Variants in GRIK2 observed in about 807,000 individuals in gnomAD.
The protein encoded by GRIK2 is glutamate receptor ionotropic, kainate 2.
In GRIK2, 32 loss-of-function variants were observed where a neutral mutation model predicts 100.3. The observed-to-expected ratio is 0.32, with a 90% CI of 0.24 to 0.43. The LOEUF (loss-of-function observed/expected upper bound fraction) is 0.43, where lower values mean the gene tolerates loss of function less well. Among genes scored for constraint, GRIK2 ranks in the 20% least tolerant of loss-of-function variants. The pLI is 1.00. For missense variants in GRIK2, 843 were observed against 1,114.9 expected (o/e 0.76, Z 3.47); for synonymous variants, 417 against 389.4 (o/e 1.07, Z -0.83).
intron 4 of GRIK2, among the ~76,000 whole-genome samples, chr6:101,649,434 T>C (rs568571898): frequency 1.2e-4 from 19 of 152,198 alleles, no homozygotes; most frequent in African/African-American, 4.3e-4. Context: ...GCTTTTCCTC[T>C]GGATCACGTG....
intron 2 of GRIK2, among the ~76,000 whole-genome samples, chr6:101,587,776 T>C (rs1349603986): frequency 6.6e-6 from 1 of 151,964 alleles, no homozygotes; most frequent in East Asian, 1.9e-4. Flanking sequence ...AATTGCTAAA[T>C]TGGTGATGAA....
At chr6:101,454,683 A>G (rs1770899288) in intron 2 of GRIK2, among the ~76,000 whole-genome samples, 1 of 151,928 alleles carries the variant, frequency 6.6e-6, no homozygotes, top group Non-Finnish European at 1.5e-5. Flanking sequence ...TCTGCTCTAT[A>G]TGTTGTAGTG....
At position 101,598,469 on chromosome 6, in the gene GRIK2, G is replaced by GT. The variant is rs574510122; in HGVS notation, c.116-23473dup. ...CTTTTCCCCAGTTACATTTTTATTT[G>GT]TTTTTTTGCAAGCTTGTAATGAATT... On this transcript the variant is annotated intron_variant, in intron 2 of 16. Transcript: ENST00000369134. Among the ~76,000 whole-genome samples the GT allele has an allele frequency of 1.8e-3, 275 of 150,200 alleles. 2 individuals are homozygous for GT. Among genetic ancestry groups the GT allele is most frequent in the African/African-American group, 6.4e-3 (262 of 40,962 alleles).
At chr6:101,708,158 G>A (rs1773465880) in intron 7 of GRIK2, among the ~76,000 whole-genome samples, 1 of 151,694 alleles carries the variant, frequency 6.6e-6, no homozygotes, top group Admixed American at 6.6e-5. Flanking sequence ...TTTCTTAGTA[G>A]ATGGAATCTT....
chr6:101,843,902 C>T (rs1233952881), intron 10 of GRIK2, among the ~76,000 whole-genome samples: 2 of 152,098 alleles, frequency 1.3e-5, no homozygotes, highest in Non-Finnish European at 2.9e-5. Context: ...ATATACTTAC[C>T]TATTTACTTT....
intron 2 of GRIK2, among the ~76,000 whole-genome samples, chr6:101,583,518 C>G (rs771294036): frequency 4.6e-5 from 7 of 152,062 alleles, no homozygotes; most frequent in Non-Finnish European, 7.4e-5. Context: ...ATTCAAAGAG[C>G]CTTGTACAAT....
intron 4 of GRIK2, among the ~76,000 whole-genome samples, chr6:101,651,413 G>T (rs534150934): frequency 6.6e-6 from 1 of 152,218 alleles, no homozygotes; most frequent in Admixed American, 6.6e-5. Context: ...ATACAGCCAA[G>T]AACTAATCAG....
intron 2 of GRIK2, among the ~76,000 whole-genome samples, chr6:101,564,152 T>C (rs1777147723): frequency 6.6e-6 from 1 of 152,220 alleles, no homozygotes; most frequent in Non-Finnish European, 1.5e-5. Context: ...AAGCTGGTTT[T>C]AAGAGGTTTC....
intron 7 of GRIK2, among the ~76,000 whole-genome samples, chr6:101,783,713 G>A (rs1466752674): frequency 2.6e-5 from 4 of 152,160 alleles, no homozygotes; most frequent in African/African-American, 9.7e-5. Context: ...AGTACAGGTT[G>A]AGGTGGTCTC....
intron 7 of GRIK2, among the ~76,000 whole-genome samples, chr6:101,779,692 A>G (rs924823423): frequency 5.9e-5 from 9 of 152,072 alleles, no homozygotes; most frequent in African/African-American, 2.2e-4. Context: ...GCTGGTACCT[A>G]CCTAATTTGA....
chr6:101,795,553 A>G (rs1210894275), intron 7 of GRIK2, among the ~76,000 whole-genome samples: 1 of 152,184 alleles, frequency 6.6e-6, no homozygotes, highest in Non-Finnish European at 1.5e-5. Flanking sequence ...AGCAGTGGGC[A>G]TGTGTGTGGT....
chr6:101,816,130 A>C (rs2128420710), intron 9 of GRIK2, among the ~76,000 whole-genome samples: 1 of 152,282 alleles, frequency 6.6e-6, no homozygotes. Flanking sequence ...TAGAAAGTTG[A>C]AAACTTTCTA....
In GRIK2 at chr6:101,854,313, G is replaced by A. The variant is rs575579851; in HGVS notation, c.1318-4974G>A. Among the ~76,000 whole-genome samples the A allele has an allele frequency of 4.1e-4, 63 of 152,252 alleles. 1 individual carries two copies. Among genetic ancestry groups the A allele is most frequent in the Non-Finnish European group, 7.5e-4 (51 of 68,004 alleles). On this transcript the variant is annotated intron_variant, in intron 10 of 16. Transcript: ENST00000369134. ...CTTGTTCTGTTGCCTAGGCTGGAGT[G>A]CAATGGCACAATCTCGGCTCACTGC... is the stretch of plus-strand genomic sequence containing the variant.
Position 102,063,851 on chromosome 6 carries a change from T to C in GRIK2, c.2563-4496T>C, listed in dbSNP as rs1771873282. 1.4e-5 allele frequency: 8 copies of C among 571,648 alleles called. No homozygotes were observed. In the South Asian group the frequency reaches 2.0e-4, roughly 14 times the overall value. The allele number at this position is 571,648 out of a possible 1,614,324, so 35.4% of individuals were successfully genotyped here. The stretch of plus-strand genomic sequence containing the variant: ...TCTACATTGTTTCAAGAATTAGAGA[T>C]GTGTAAATATAAATTGACTAATTAA... On this transcript the variant is annotated intron_variant, in intron 16 of 16. Transcript: ENST00000369134.
At chr6:101,773,651 T>A (rs953649460) in intron 7 of GRIK2, among the ~76,000 whole-genome samples, 1 of 152,130 alleles carries the variant, frequency 6.6e-6, no homozygotes, top group African/African-American at 2.4e-5. Context: ...TACTTGAGAT[T>A]TTCAGTTAAG....
chr6:101,454,844 G>T (rs1770909315), intron 2 of GRIK2, among the ~76,000 whole-genome samples: 1 of 152,024 alleles, frequency 6.6e-6, no homozygotes, highest in African/African-American at 2.4e-5. Flanking sequence ...AAGCTTATTG[G>T]TATAAGCCTG....
chr6:101,608,172 C>G (rs1028575433), intron 2 of GRIK2, among the ~76,000 whole-genome samples: 1 of 151,770 alleles, frequency 6.6e-6, no homozygotes, highest in African/African-American at 2.4e-5. Flanking sequence ...AAAGGCTGAA[C>G]TGGACTGTGA....
intron 7 of GRIK2, among the ~76,000 whole-genome samples, chr6:101,717,459 G>C (rs1774152622): frequency 6.6e-6 from 1 of 151,762 alleles, no homozygotes; most frequent in African/African-American, 2.4e-5. Context: ...GTTGTATCTA[G>C]AATTTACAGG....
intron 2 of GRIK2, among the ~76,000 whole-genome samples, chr6:101,577,722 A>G (rs1014835723): frequency 6.6e-6 from 1 of 152,202 alleles, no homozygotes; most frequent in African/African-American, 2.4e-5. Flanking sequence ...AGAAGATGAT[A>G]AAGTACTTAC....
Sources: gnomAD v4.1 joint callset for allele counts (sites outside exome capture counted in the v4.1 genomes callset) on GRCh38, gnomAD v4.1.1 for gene constraint, MANE v1.5 for transcripts, NCBI Gene and HGNC (gene_info 2026-07-23, HGNC 2026-07-21) for gene names.